H2BN1: variants seen among roughly 807,000 people sequenced by gnomAD.
H2BN1 encodes the protein histone H2B.N.
At chr17:32,900,393 A>G in the H2BN1 span, among the ~76,000 whole-genome samples, 1 of 152,250 alleles carries the variant, frequency 6.6e-6, no homozygotes, top group South Asian at 2.1e-4. Flanking sequence ...AAAAGACAAA[A>G]TTTATAATTT....
chr17:32,903,806 C>G, the H2BN1 span, among the ~76,000 whole-genome samples: 2 of 152,182 alleles, frequency 1.3e-5, no homozygotes, highest in Admixed American at 6.5e-5. Context: ...ACAGAGTGTT[C>G]AAAAGGAGGT....
chr17:32,896,016 A>G, the H2BN1 span, among the ~76,000 whole-genome samples: 7 of 151,226 alleles, frequency 4.6e-5, no homozygotes, highest in African/African-American at 7.3e-5. Context: ...TTCCACCTCA[A>G]CCTCCCAAGT....
the H2BN1 span, among the ~76,000 whole-genome samples, chr17:32,902,457 C>T: frequency 2.2e-4 from 33 of 152,236 alleles, no homozygotes; most frequent in South Asian, 2.9e-3. Context: ...TAGACTAGAC[C>T]GTCTAAAGTC....
At chr17:32,904,166 A>C in the H2BN1 span, among the ~76,000 whole-genome samples, 1 of 152,194 alleles carries the variant, frequency 6.6e-6, no homozygotes, top group African/African-American at 2.4e-5. Context: ...CCGGTCACCC[A>C]GGGGCACCTT....
At chr17:32,898,052 C>T in the H2BN1 span, among the ~76,000 whole-genome samples, 2,158 of 152,232 alleles carry the variant, frequency 0.014, 46 homozygotes, top group African/African-American at 0.047. Context: ...TCCAAATTCC[C>T]GTCCCTCTCT....
chr17:32,897,009 G>A, the H2BN1 span, among the ~76,000 whole-genome samples: 1 of 152,160 alleles, frequency 6.6e-6, no homozygotes, highest in African/African-American at 2.4e-5. Flanking sequence ...TCTTAACTGT[G>A]TGGGCCTGGC....
chr17:32,902,804 CACTCCAGCCTGGGCG>C, the H2BN1 span, among the ~76,000 whole-genome samples: 1 of 151,382 alleles, frequency 6.6e-6, no homozygotes, highest in African/African-American at 2.4e-5. Context: ...TGCGCCACTG[CACTCCAGCCTGGGCG>C]ACAGAGCGAG....
At chr17:32,898,445 T>C in the H2BN1 span, among the ~76,000 whole-genome samples, 3 of 152,202 alleles carry the variant, frequency 2.0e-5, no homozygotes, top group Non-Finnish European at 2.9e-5. Flanking sequence ...TGTATATATC[T>C]CAGTGAGTAG....
At chr17:32,896,299 A>T in the H2BN1 span, among the ~76,000 whole-genome samples, 1 of 152,200 alleles carries the variant, frequency 6.6e-6, no homozygotes, top group Non-Finnish European at 1.5e-5. Flanking sequence ...GAAGAGTGGC[A>T]TAGATCAGTT....
At chr17:32,903,521 C>T in the H2BN1 span, among the ~76,000 whole-genome samples, 1 of 152,162 alleles carries the variant, frequency 6.6e-6, no homozygotes, top group Non-Finnish European at 1.5e-5. Context: ...AATACACACA[C>T]ACCTTATAGT....
At chr17:32,896,149 C>T in the H2BN1 span, among the ~76,000 whole-genome samples, 1 of 152,112 alleles carries the variant, frequency 6.6e-6, no homozygotes, top group Non-Finnish European at 1.5e-5. Flanking sequence ...CTCCTGGGCT[C>T]AAGCAATCCT....
chr17:32,900,621 G>A, the H2BN1 span, among the ~76,000 whole-genome samples: 8 of 151,356 alleles, frequency 5.3e-5, no homozygotes, highest in South Asian at 2.1e-4. Context: ...TTGCTCTGTC[G>A]CCCAGGATGG....
chr17:32,896,118 G>A, the H2BN1 span, among the ~76,000 whole-genome samples: 73,743 of 151,720 alleles, frequency 0.49, 18,570 homozygotes, highest in Admixed American at 0.59. Flanking sequence ...GTCTCACTAC[G>A]TTTCCCAGGC....
At chr17:32,898,493 A>T in the H2BN1 span, among the ~76,000 whole-genome samples, 400 of 152,358 alleles carry the variant, frequency 2.6e-3, 1 homozygote, top group African/African-American at 8.8e-3. Flanking sequence ...TGTCCTAAGC[A>T]GTTCTCAGTT....
At chr17:32,897,418 G>A in the H2BN1 span, among the ~76,000 whole-genome samples, 2 of 148,424 alleles carry the variant, frequency 1.3e-5, no homozygotes, top group African/African-American at 2.5e-5. Context: ...TGAGAGCAGT[G>A]TGAAAATATG....
the H2BN1 span, among the ~76,000 whole-genome samples, chr17:32,896,504 G>A: frequency 6.6e-6 from 1 of 152,162 alleles, no homozygotes; most frequent in African/African-American, 2.4e-5. Context: ...TGAATTTTAC[G>A]CCTTCATGAC....
chr17:32,906,024 G>C, the H2BN1 span, among the ~76,000 whole-genome samples: 1 of 152,242 alleles, frequency 6.6e-6, no homozygotes, highest in African/African-American at 2.4e-5. Context: ...CCTTTAGGTG[G>C]TTTATTATTA....
chr17:32,897,088 A>G, the H2BN1 span, among the ~76,000 whole-genome samples: 2 of 152,194 alleles, frequency 1.3e-5, no homozygotes, highest in Non-Finnish European at 1.5e-5. Flanking sequence ...CTGTAAGGAT[A>G]AAACAAGATA....
At chr17:32,895,717 A>T in the H2BN1 span, among the ~76,000 whole-genome samples, 1 of 152,178 alleles carries the variant, frequency 6.6e-6, no homozygotes, top group Non-Finnish European at 1.5e-5. Flanking sequence ...AGTCCTTCAC[A>T]CATAGTGTTC....
Sources: allele counts gnomAD v4.1 joint callset (sites outside exome capture counted in the v4.1 genomes callset), GRCh38; gene constraint gnomAD v4.1.1; transcripts MANE v1.5; gene names NCBI Gene and HGNC (gene_info 2026-07-23, HGNC 2026-07-21).